Variants in AKIRIN2 observed in about 807,000 individuals in gnomAD.
AKIRIN2 encodes akirin 2.
A neutral mutation model predicts 29.3 loss-of-function variants in AKIRIN2; 6 were observed. The ratio of observed to expected loss-of-function variants is 0.20; its 90% CI spans 0.11 to 0.40. AKIRIN2 has a LOEUF of 0.40. AKIRIN2 is among the 10% of genes least tolerant of loss of function. The pLI, the probability that AKIRIN2 is intolerant of heterozygous loss-of-function variation, is 1.00. For missense variants in AKIRIN2, 210 were observed against 276.1 expected, an observed-to-expected ratio of 0.76 and a Z score of 1.70; for synonymous variants, 128 against 117.5, an observed-to-expected ratio of 1.09 and a Z score of -0.58.
chr6:87,680,766 C>G (rs117126137), intron 2 of AKIRIN2, among the ~76,000 whole-genome samples: 7 of 20,160 alleles, frequency 3.5e-4, no homozygotes, highest in Non-Finnish European at 5.3e-4. Context: ...ATTCCCCGCC[C>G]CCCCCCTTTT....
chr6:87,696,699 C>CAA lies in AKIRIN2; in HGVS notation c.235+4749_235+4750dup, dbSNP rs35676911. Among the ~76,000 whole-genome samples the CAA allele has an allele frequency of 2.0e-3, 176 of 87,752 alleles. 1 individual carries two copies. The highest frequency in any genetic ancestry group is 6.2e-3 in the East Asian group (18 of 2,886). The allele number at this position is 87,752 out of a possible 152,430, so 57.6% of individuals were successfully genotyped here. ...CTGGGGGACAGAGTGAGACTCCATCCAAAAAAAAAAAAAAAAAAGCCAGGG... is the reference window on the plus strand; with the variant it reads ...CTGGGGGACAGAGTGAGACTCCATCCAAAAAAAAAAAAAAAAAAAAGCCAGGG... On this transcript the variant is annotated intron_variant, in intron 1 of 4. Coordinates refer to ENST00000257787, the MANE Select transcript of AKIRIN2 (RefSeq NM_018064.4).
intron 1 of AKIRIN2, among the ~76,000 whole-genome samples, chr6:87,701,142 A>G (rs1242913499): frequency 6.6e-6 from 1 of 152,004 alleles, no homozygotes; most frequent in East Asian, 1.9e-4. Flanking sequence ...CTGGGGCTCC[A>G]GCGACTACGG....
intron 1 of AKIRIN2, among the ~76,000 whole-genome samples, chr6:87,686,724 A>G (rs548368716): frequency 1.3e-5 from 2 of 152,306 alleles, no homozygotes; most frequent in East Asian, 1.9e-4. Context: ...GTGGACCTAG[A>G]AAGACAATTC....
At chr6:87,689,276 T>C (rs1035641471) in intron 1 of AKIRIN2, among the ~76,000 whole-genome samples, 1 of 151,890 alleles carries the variant, frequency 6.6e-6, no homozygotes, top group Non-Finnish European at 1.5e-5. Context: ...CCGAGGCGGG[T>C]GGATCACCTG....
intron 1 of AKIRIN2, among the ~76,000 whole-genome samples, chr6:87,697,144 A>C (rs1332599723): frequency 6.6e-6 from 1 of 150,456 alleles, no homozygotes; most frequent in African/African-American, 2.5e-5. Flanking sequence ...CCCCATCTCT[A>C]CTAAAAATAC....
chr6:87,697,113 A>G (rs1381524023), intron 1 of AKIRIN2, among the ~76,000 whole-genome samples: 1 of 151,936 alleles, frequency 6.6e-6, no homozygotes, highest in Non-Finnish European at 1.5e-5. Context: ...GTTCAAGACC[A>G]GCCATGCCAA....
In AKIRIN2 at chr6:87,701,804, G is replaced by T. The variant is rs1771472292; in HGVS notation, c.-120C>A. ...GAGAGCCTACCCGACGGGCTCAGGA[G>T]CCAAGCGGGTCGCGGAGCGCCGGCT... On this transcript the variant is annotated 5_prime_UTR_variant, in exon 1 of 5. Transcript: ENST00000257787. The T allele has an allele frequency of 2.9e-6, 2 of 699,956 alleles. No homozygotes were observed. The highest frequency in any genetic ancestry group is 4.2e-6 in the Non-Finnish European group (2 of 477,878). The allele number at this position is 699,956 out of a possible 1,614,324, so 43.4% of individuals were successfully genotyped here.
Position 87,697,482 on chromosome 6 carries a change from A to G in AKIRIN2, c.235+3968T>C, listed in dbSNP as rs115681126. Among the ~76,000 whole-genome samples the G allele has an allele frequency of 9.3e-3, 1,410 of 152,336 alleles. 22 individuals are homozygous for G. Among genetic ancestry groups the G allele is most frequent in the African/African-American group, 0.032 (1,323 of 41,560 alleles). On this transcript the variant is annotated intron_variant, in intron 1 of 4. Transcript: ENST00000257787. ...AGACTCAAAGTACAAAGACCATTAA[A>G]AACATTTATTTGCCAAATCCAGTGA...
chr6:87,697,705 A>C (rs547294918), intron 1 of AKIRIN2, among the ~76,000 whole-genome samples: 78 of 152,302 alleles, frequency 5.1e-4, no homozygotes, highest in Middle Eastern at 6.8e-3. Context: ...CTGGTGAACA[A>C]TCTATGTTCC....
chr6:87,678,292 G>A (rs1771059166), intron 2 of AKIRIN2, among the ~76,000 whole-genome samples: 1 of 152,148 alleles, frequency 6.6e-6, no homozygotes, highest in African/African-American at 2.4e-5. Flanking sequence ...GAGGTCAGGA[G>A]TTTGAAACCA....
intron 1 of AKIRIN2, among the ~76,000 whole-genome samples, chr6:87,686,404 A>T (rs1771185759): frequency 6.6e-6 from 1 of 152,080 alleles, no homozygotes; most frequent in African/African-American, 2.4e-5. Flanking sequence ...GACCAAGCAA[A>T]GGGAAGAACA....
Position 87,675,323 on chromosome 6 carries a change from T to C in AKIRIN2, c.*274A>G. ...TTCTAGAATACCAGCTTTAATCCTT[T>C]TCAAACATTAATATAAGAAGCCAAA... On this transcript the variant is annotated 3_prime_UTR_variant, in exon 5 of 5. Coordinates refer to ENST00000257787, the MANE Select transcript of AKIRIN2 (RefSeq NM_018064.4). 4.0e-6 allele frequency: 2 copies of C among 497,578 alleles called. No individual in the cohort carries two copies. Among genetic ancestry groups the C allele is most frequent in the Non-Finnish European group, 7.2e-6 (2 of 278,048 alleles). 30.8% of individuals were successfully genotyped at this position (497,578 alleles called of 1,614,324 possible).
rs7761453 is a variant in AKIRIN2, at chr6:87,675,159, T to C, written c.*438A>G. 0.029 allele frequency: 4,817 copies of C among 163,414 alleles called. 250 individuals are homozygous for C. Among genetic ancestry groups the C allele is most frequent in the African/African-American group, 0.11 (4,537 of 41,922 alleles). 10.1% of individuals were successfully genotyped at this position (163,414 alleles called of 1,614,324 possible). A position where few individuals can be genotyped will look rare whatever the true frequency, so the allele number is the denominator to read the frequency against. On this transcript the variant is annotated 3_prime_UTR_variant, in exon 5 of 5. Coordinates refer to ENST00000257787, the MANE Select transcript of AKIRIN2 (RefSeq NM_018064.4). Reference sequence around the variant, plus strand: ...ATTTCACAGGAAGCACTGCAGGCTATTTGCTTAATATTGTCCTGGGATTAC... The same window carrying C: ...ATTTCACAGGAAGCACTGCAGGCTACTTGCTTAATATTGTCCTGGGATTAC...
intron 1 of AKIRIN2, 136 bp from the exon 2 acceptor site, chr6:87,681,899 G>T: frequency 1.3e-6 from 1 of 749,186 alleles, no homozygotes; most frequent in Non-Finnish European, 2.0e-6. Context: ...TGACATTTTG[G>T]TAGGAACTCA....
rs1027205087 is a variant in AKIRIN2, at chr6:87,701,944, G to A, written c.-260C>T. On this transcript the variant is annotated 5_prime_UTR_variant, in exon 1 of 5. Coordinates refer to ENST00000257787, the MANE Select transcript of AKIRIN2 (RefSeq NM_018064.4). ...GCAGAAGCACACGCCAGTCGCGTCA[G>A]GGGGGTTCTTCCGCCTCCTCAGGCG... The A allele has an allele frequency of 3.5e-5, 14 of 405,484 alleles. 1 individual carries two copies. The South Asian group carries it at 1.3e-3, about 37-fold the overall frequency. The allele number at this position is 405,484 out of a possible 1,614,324, so 25.1% of individuals were successfully genotyped here.
intron 1 of AKIRIN2, among the ~76,000 whole-genome samples, chr6:87,699,743 A>G (rs570262640): frequency 2.0e-5 from 3 of 152,340 alleles, no homozygotes; most frequent in South Asian, 4.1e-4. Context: ...ACAATTCTGA[A>G]TAAGTGTGCT....
At chr6:87,695,189 CTCA>C (rs1228059456) in intron 1 of AKIRIN2, among the ~76,000 whole-genome samples, 3 of 152,154 alleles carry the variant, frequency 2.0e-5, no homozygotes, top group Non-Finnish European at 4.4e-5. Context: ...AATCCATGTT[CTCA>C]TCATTATCCA....
intron 1 of AKIRIN2, among the ~76,000 whole-genome samples, chr6:87,701,198 T>C (rs990248138): frequency 2.0e-5 from 3 of 152,062 alleles, no homozygotes; most frequent in Non-Finnish European, 4.4e-5. Context: ...GTCCCTGTTC[T>C]ACCCAATACG....
At chr6:87,688,108 G>A (rs1275322640) in intron 1 of AKIRIN2, among the ~76,000 whole-genome samples, 2 of 152,154 alleles carry the variant, frequency 1.3e-5, no homozygotes, top group African/African-American at 4.8e-5. Flanking sequence ...CTCCAGCCTA[G>A]GCAAGAGTGA....
Sources: allele counts gnomAD v4.1 joint callset (sites outside exome capture counted in the v4.1 genomes callset), GRCh38; gene constraint gnomAD v4.1.1; transcripts MANE v1.5; gene names NCBI Gene and HGNC (gene_info 2026-07-23, HGNC 2026-07-21).